Variants in EPC1 observed in about 807,000 individuals in gnomAD.
EPC1 encodes enhancer of polycomb 1.
In EPC1, 12 loss-of-function variants were observed where a neutral mutation model predicts 98.4. That is an observed-to-expected ratio of 0.12 (90% CI 0.08 to 0.20). EPC1 has a LOEUF of 0.20. Ranked by LOEUF, EPC1 falls within the 10% of genes least tolerant of loss-of-function variation. The pLI, the probability that EPC1 is intolerant of heterozygous loss-of-function variation, is 1.00. For missense variants in EPC1, 729 were observed against 990.5 expected (o/e 0.74, Z 3.54); for synonymous variants, 357 against 363.9 (o/e 0.98, Z 0.21).
At chr10:32,356,710 C>A (rs1030967966) in intron 1 of EPC1, among the ~76,000 whole-genome samples, 1 of 152,152 alleles carries the variant, frequency 6.6e-6, no homozygotes, top group East Asian at 1.9e-4. Flanking sequence ...TACCGCCAGG[C>A]GCGGTGGCTC....
intron 1 of EPC1, among the ~76,000 whole-genome samples, chr10:32,331,962 C>T (rs963217605): frequency 1.3e-5 from 2 of 152,150 alleles, no homozygotes; most frequent in Non-Finnish European, 2.9e-5. Flanking sequence ...TAGTCTCATT[C>T]CAAAAGCTCA....
At chr10:32,283,921 C>T (rs2132689384) in intron 10 of EPC1, 1 of 152,272 alleles carries the variant, frequency 6.6e-6, no homozygotes, top group Non-Finnish European at 1.5e-5. Context: ...CTTTAAGAAT[C>T]AGAGCAAATG....
chr10:32,315,513 A>C (rs536133191), intron 1 of EPC1, among the ~76,000 whole-genome samples: 2 of 152,226 alleles, frequency 1.3e-5, no homozygotes, highest in Non-Finnish European at 2.9e-5. Context: ...ATTAAAAGCA[A>C]CAATATCATA....
At chr10:32,378,434 T>A (rs1050052194) in intron 1 of EPC1, 2 of 1,442,624 alleles carry the variant, frequency 1.4e-6, no homozygotes, top group Admixed American at 4.2e-5. Context: ...ATGAAAATCC[T>A]TTTTAGCCGG....
chr10:32,286,712 C>T lies in EPC1; in HGVS notation c.1373G>A (p.Arg458Gln), dbSNP rs372694109. The T allele has an allele frequency of 6.2e-7, 1 of 1,613,958 alleles. No homozygotes were observed. Among genetic ancestry groups the T allele is most frequent in the Non-Finnish European group, 8.5e-7 (1 of 1,180,016 alleles). ...PQRCIGFARR[R>Q]VGRGGRVLLD... Reference sequence around the variant, plus strand: ...ACCTTACCTTCCACCGCGCCCAACCCGTCTTCGTGCAAATCCAATACACCT... The same window carrying T: ...ACCTTACCTTCCACCGCGCCCAACCTGTCTTCGTGCAAATCCAATACACCT... Residue 458 changes from arginine to glutamine, a missense_variant, in exon 9 of 14, where the codon CGG (arginine) becomes CAG (glutamine). Arg to Gln is a conservative substitution (Grantham distance 43). Coordinates refer to ENST00000319778, the MANE Select transcript of EPC1 (RefSeq NM_001272004.3).
At chr10:32,360,046 T>C (rs570046179) in intron 1 of EPC1, among the ~76,000 whole-genome samples, 1 of 152,332 alleles carries the variant, frequency 6.6e-6, no homozygotes, top group East Asian at 1.9e-4. Flanking sequence ...TTTGTATCAG[T>C]AGCAGGTCTG....
In EPC1 at chr10:32,373,932, A is replaced by G. The variant is rs192029615; in HGVS notation, c.3+4559T>C. ...TAGGGTTCTATGTTAGTATGAAAGC[A>G]AACTAAATAATATAACACACCTAGC... is the stretch of plus-strand genomic sequence containing the variant. On this transcript the variant is annotated intron_variant, in intron 1 of 13. Transcript: ENST00000375110. 3.3e-5 allele frequency among the ~76,000 whole-genome samples: 5 copies of G among 152,324 alleles called. No individual in the cohort carries two copies. In the East Asian group the frequency reaches 9.6e-4, roughly 29 times the overall value.
chr10:32,291,054 G>A, intron 6 of EPC1, 109 bp downstream of exon 6: 2 of 1,009,912 alleles, frequency 2.0e-6, no homozygotes, highest in South Asian at 1.6e-5. Flanking sequence ...TGGGATTACA[G>A]GCGTGAGCCA....
chr10:32,347,013 C>G lies in EPC1; in HGVS notation c.-98G>C. On this transcript the variant is annotated 5_prime_UTR_variant, in exon 1 of 14. Transcript: ENST00000319778. ...TCGGTCCCCACTCGCCAACCGCTGCCGGGGACTTGAGGGGCGGAGCGCAGA... is the reference window on the plus strand; with the variant it reads ...TCGGTCCCCACTCGCCAACCGCTGCGGGGGACTTGAGGGGCGGAGCGCAGA... 4 of 1,529,086 alleles carry G rather than the reference C, an allele frequency of 2.6e-6. No homozygotes were observed. Among genetic ancestry groups the G allele is most frequent in the African/African-American group, 1.4e-5 (1 of 73,204 alleles). The allele number at this position is 1,529,086 out of a possible 1,614,324, so 94.7% of individuals were successfully genotyped here. A position where few individuals can be genotyped will look rare whatever the true frequency, so the allele number is the denominator to read the frequency against.
intron 10 of EPC1, among the ~76,000 whole-genome samples, chr10:32,275,430 G>A (rs976492455): frequency 2.6e-5 from 4 of 152,184 alleles, no homozygotes; most frequent in Non-Finnish European, 4.4e-5. Context: ...TCAGGAGTTC[G>A]AGACCAGCCT....
At chr10:32,327,538 A>T (rs1305471526) in intron 1 of EPC1, among the ~76,000 whole-genome samples, 1 of 152,234 alleles carries the variant, frequency 6.6e-6, no homozygotes, top group Non-Finnish European at 1.5e-5. Context: ...CACAGTGTAC[A>T]CATGTATAGA....
At chr10:32,359,649 A>G (rs1255208098) in intron 1 of EPC1, among the ~76,000 whole-genome samples, 1 of 152,150 alleles carries the variant, frequency 6.6e-6, no homozygotes, top group East Asian at 1.9e-4. Flanking sequence ...TATTTTTTTG[A>G]ATAGATCATT....
chr10:32,281,267 G>C (rs1363716880), intron 10 of EPC1, among the ~76,000 whole-genome samples: 1 of 152,026 alleles, frequency 6.6e-6, no homozygotes, highest in Admixed American at 6.6e-5. Context: ...CTCCTGATCT[G>C]AGGTGATCTC....
intron 10 of EPC1, among the ~76,000 whole-genome samples, chr10:32,279,868 T>C (rs866451436): frequency 2.0e-5 from 3 of 152,158 alleles, no homozygotes; most frequent in African/African-American, 7.2e-5. Context: ...ATTAAAAATA[T>C]ACAATTTATC....
intron 6 of EPC1, among the ~76,000 whole-genome samples, chr10:32,288,508 G>A (rs775209264): frequency 6.6e-5 from 10 of 151,478 alleles, no homozygotes; most frequent in Non-Finnish European, 1.5e-4. Flanking sequence ...AGCAATTTGC[G>A]CTCGCTAATT....
At chr10:32,366,013 A>G in intron 1 of EPC1, among the ~76,000 whole-genome samples, 1 of 151,380 alleles carries the variant, frequency 6.6e-6, no homozygotes, top group East Asian at 1.9e-4. Flanking sequence ...CGTGCCTGTA[A>G]TCCCAGCTAC....
At chr10:32,358,782 G>A (rs1355375929) in intron 1 of EPC1, among the ~76,000 whole-genome samples, 1 of 152,106 alleles carries the variant, frequency 6.6e-6, no homozygotes, top group Non-Finnish European at 1.5e-5. Context: ...ATCTGTCTGA[G>A]TAGATGACAA....
intron 13 of EPC1, 56 bp from the exon 14 acceptor site, chr10:32,269,191 G>T: frequency 1.4e-6 from 2 of 1,449,758 alleles, no homozygotes; most frequent in South Asian, 1.2e-5. Flanking sequence ...TTCAGCAAAT[G>T]AACATTATCT....
chr10:32,342,022 T>C (rs1223744394), intron 1 of EPC1, among the ~76,000 whole-genome samples: 1 of 152,224 alleles, frequency 6.6e-6, no homozygotes, highest in African/African-American at 2.4e-5. Flanking sequence ...TTAGCAACTT[T>C]ATGCAAAAAT....
Sources: gnomAD v4.1 joint callset for allele counts (sites outside exome capture counted in the v4.1 genomes callset) on GRCh38, gnomAD v4.1.1 for gene constraint, MANE v1.5 for transcripts, NCBI Gene and HGNC (gene_info 2026-07-23, HGNC 2026-07-21) for gene names.